ALDH5A1: variants seen among roughly 807,000 people sequenced by gnomAD.
ALDH5A1 encodes the protein succinate-semialdehyde dehydrogenase, mitochondrial.
Under a neutral mutation model 54.7 loss-of-function variants are expected in ALDH5A1, and 33 were observed. That is an observed-to-expected ratio of 0.60 (90% CI 0.46 to 0.81). ALDH5A1 has a LOEUF of 0.81. Among genes scored for constraint, ALDH5A1 ranks in the 30% least tolerant of loss-of-function variants. The pLI is 0.00. For synonymous variants in ALDH5A1, 294 were observed against 292.7 expected, an observed-to-expected ratio of 1.00 and a Z score of -0.05; for missense variants, 657 against 711.0, an observed-to-expected ratio of 0.92 and a Z score of 0.86.
chr6:24,527,370 G>A (rs796348511), intron 7 of ALDH5A1, among the ~76,000 whole-genome samples: 8 of 152,064 alleles, frequency 5.3e-5, no homozygotes, highest in African/African-American at 1.4e-4. Context: ...TCAGGAGTTC[G>A]AGACCAGCCT....
intron 1 of ALDH5A1, among the ~76,000 whole-genome samples, chr6:24,499,428 C>T (rs1170936154): frequency 6.6e-6 from 1 of 151,888 alleles, no homozygotes; most frequent in Non-Finnish European, 1.5e-5. Flanking sequence ...TCCTCATTTT[C>T]TTTTTTTAAG....
At chr6:24,511,684 A>G (rs1335729235) in intron 4 of ALDH5A1, 8 of 381,436 alleles carry the variant, frequency 2.1e-5, no homozygotes, top group Non-Finnish European at 3.2e-5. Flanking sequence ...ATTGTTTTTT[A>G]TTTATGCTAT....
intron 1 of ALDH5A1, among the ~76,000 whole-genome samples, chr6:24,496,405 G>C (rs1475516188): frequency 1.3e-5 from 2 of 152,194 alleles, no homozygotes; most frequent in East Asian, 3.8e-4. Context: ...CCAGAGGGAA[G>C]GGGCAAGATG....
At chr6:24,501,421 G>C (rs773126516) in intron 1 of ALDH5A1, among the ~76,000 whole-genome samples, 4 of 152,196 alleles carry the variant, frequency 2.6e-5, no homozygotes, top group Non-Finnish European at 5.9e-5. Context: ...GTATAGTTTG[G>C]AGAAGCAAAG....
intron 7 of ALDH5A1, among the ~76,000 whole-genome samples, chr6:24,525,194 ATT>A (rs1759777124): frequency 6.6e-6 from 1 of 152,210 alleles, no homozygotes; most frequent in South Asian, 2.1e-4. Flanking sequence ...GGCAGAGCAG[ATT>A]ATATTTGGGG....
At chr6:24,519,122 C>T (rs181249819) in intron 5 of ALDH5A1, among the ~76,000 whole-genome samples, 54 of 151,966 alleles carry the variant, frequency 3.6e-4, no homozygotes, top group African/African-American at 9.4e-4. Context: ...GATGGAGTCT[C>T]GCTCTGTAGC....
intron 7 of ALDH5A1, among the ~76,000 whole-genome samples, chr6:24,523,747 T>C (rs796750787): frequency 5.9e-5 from 9 of 152,328 alleles, no homozygotes; most frequent in African/African-American, 2.2e-4. Flanking sequence ...AAAATCCCTG[T>C]CTAAAACAGT....
intron 7 of ALDH5A1, among the ~76,000 whole-genome samples, chr6:24,523,197 G>A (rs185024514): frequency 9.1e-4 from 139 of 152,144 alleles, no homozygotes; most frequent in Admixed American, 2.5e-3. Context: ...TGTTTGAGGC[G>A]ATAGATGTGC....
rs1759989870 is a variant in ALDH5A1, at chr6:24,533,970, C to T, written c.*258C>T. ...TTTACAGAATGAGGCCCTGGCTCCC[C>T]ACCACAGCCCCAGCTGCCTCAGAGC... On this transcript the variant is annotated 3_prime_UTR_variant, in exon 10 of 10. Coordinates refer to ENST00000357578, the MANE Select transcript of ALDH5A1 (RefSeq NM_001080.3). The T allele has an allele frequency of 2.3e-6, 1 of 432,182 alleles. No individual in the cohort carries two copies. The highest frequency in any genetic ancestry group is 4.3e-6 in the Non-Finnish European group (1 of 233,772). 26.8% of individuals were successfully genotyped at this position (432,182 alleles called of 1,614,324 possible).
chr6:24,502,428 C>A lies in ALDH5A1; in HGVS notation c.355-95C>A, dbSNP rs1581806816. ...CCATTACAACCAAGGAGAATGAGACCATACAGCTAATATTTTAGGATATTG... is the reference window on the plus strand; with the variant it reads ...CCATTACAACCAAGGAGAATGAGACAATACAGCTAATATTTTAGGATATTG... On this transcript the variant is annotated intron_variant, in intron 1 of 9. Coordinates refer to ENST00000357578, the MANE Select transcript of ALDH5A1 (RefSeq NM_001080.3). The A allele has an allele frequency of 4.1e-6, 4 of 968,382 alleles. No individual in the cohort carries two copies. The East Asian group carries it at 7.5e-5, about 18-fold the overall frequency. The allele number at this position is 968,382 out of a possible 1,614,324, so 60.0% of individuals were successfully genotyped here.
Position 24,516,164 on chromosome 6 carries a change from C to T in ALDH5A1, c.870+854C>T, listed in dbSNP as rs144623846. On this transcript the variant is annotated intron_variant, in intron 5 of 9. Transcript: ENST00000357578. ...TAAATGTCCAAAAGAGGGCCGGGCG[C>T]GGTGGCTCACACCTGTAATCCCAAC... Among the ~76,000 whole-genome samples the T allele has an allele frequency of 3.0e-3, 450 of 151,886 alleles. 1 individual carries two copies. Among genetic ancestry groups the T allele is most frequent in the African/African-American group, 8.2e-3 (338 of 41,394 alleles).
At position 24,536,713 on chromosome 6, in the gene ALDH5A1, A is replaced by G. The variant is rs1561882868; in HGVS notation, c.*3001A>G. 6.6e-6 allele frequency: 1 copy of G among 152,372 alleles called. No individual in the cohort carries two copies. Among genetic ancestry groups the G allele is most frequent in the East Asian group, 1.9e-4 (1 of 5,194 alleles). The allele number at this position is 152,372 out of a possible 1,614,324, so 9.4% of individuals were successfully genotyped here. ...GTCTATTTGCCTTGAAAAAACAATT[A>G]TCCTTGAACTTCCTCCAGCTATGCA... is the stretch of plus-strand genomic sequence containing the variant. On this transcript the variant is annotated 3_prime_UTR_variant, in exon 10 of 10. Transcript: ENST00000357578.
At chr6:24,527,031 T>G (rs1447248836) in intron 7 of ALDH5A1, among the ~76,000 whole-genome samples, 2 of 141,110 alleles carry the variant, frequency 1.4e-5, no homozygotes, top group Non-Finnish European at 3.0e-5. Context: ...TTTTAGAATA[T>G]CAGAGCATAG....
At chr6:24,513,721 A>G (rs1759506834) in intron 4 of ALDH5A1, among the ~76,000 whole-genome samples, 1 of 143,554 alleles carries the variant, frequency 7.0e-6, no homozygotes, top group South Asian at 2.8e-4. Context: ...TGATAGGGCA[A>G]GGCCCTCCCA....
At chr6:24,530,800 G>A (rs552206522) in intron 8 of ALDH5A1, among the ~76,000 whole-genome samples, 1 of 152,348 alleles carries the variant, frequency 6.6e-6, no homozygotes, top group South Asian at 2.1e-4. Flanking sequence ...CCCCAAGCCA[G>A]CCCTGCTGCT....
rs966815801 is a variant in ALDH5A1, at chr6:24,509,023, G to C, written c.726+4038G>C. Among the ~76,000 whole-genome samples, 4 of 152,128 alleles carry C rather than the reference G, an allele frequency of 2.6e-5. No individual in the cohort carries two copies. Among genetic ancestry groups the C allele is most frequent in the Admixed American group, 2.6e-4 (4 of 15,280 alleles). On this transcript the variant is annotated intron_variant, in intron 4 of 9. Coordinates refer to ENST00000357578, the MANE Select transcript of ALDH5A1 (RefSeq NM_001080.3). This position sits in a 1 kb window ranked among gnomAD's most constrained non-coding sequence, Gnocchi z 4.7. ...TGTAGATTCTGGATATTAGTCCTTT[G>C]TCAGATGTATAGATTGTGAAGACTT...
chr6:24,526,008 T>C (rs966903159), intron 7 of ALDH5A1, among the ~76,000 whole-genome samples: 1 of 152,050 alleles, frequency 6.6e-6, no homozygotes, highest in African/African-American at 2.4e-5. Flanking sequence ...AGAGCGAGGC[T>C]AGGTACCTCA....
intron 1 of ALDH5A1, among the ~76,000 whole-genome samples, chr6:24,501,366 A>G (rs1764814218): frequency 6.6e-6 from 1 of 152,206 alleles, no homozygotes; most frequent in African/African-American, 2.4e-5. Context: ...AACTGAATCA[A>G]CTTGATGGAA....
intron 1 of ALDH5A1, among the ~76,000 whole-genome samples, chr6:24,500,647 A>AAATAATAATAATAATAATAAT (rs35094488): frequency 2.8e-5 from 4 of 144,148 alleles, no homozygotes; most frequent in African/African-American, 7.6e-5. Flanking sequence ...ACCGTATCTA[A>AAATAATAATAATAATAATAAT]AATAATAATA....
Sources: allele counts gnomAD v4.1 joint callset (sites outside exome capture counted in the v4.1 genomes callset), GRCh38; gene constraint gnomAD v4.1.1; non-coding constraint Gnocchi (gnomAD v3.1); transcripts MANE v1.5; gene names NCBI Gene and HGNC (gene_info 2026-07-23, HGNC 2026-07-21).